NTNG1: variants seen among roughly 807,000 people sequenced by gnomAD.
NTNG1 encodes the protein netrin G1.
In NTNG1, 16 loss-of-function variants were observed where a neutral mutation model predicts 54.0. The observed-to-expected ratio is 0.30, with a 90% CI of 0.20 to 0.45. The LOEUF is 0.45. NTNG1 is among the 20% of genes least tolerant of loss of function. The pLI is 1.00. For synonymous variants in NTNG1, 255 were observed against 263.1 expected, an observed-to-expected ratio of 0.97 and a Z score of 0.30; for missense variants, 530 against 678.7, an observed-to-expected ratio of 0.78 and a Z score of 2.43.
chr1:107,334,782 C>T (rs181169814), intron 3 of NTNG1, among the ~76,000 whole-genome samples: 12 of 151,870 alleles, frequency 7.9e-5, no homozygotes, highest in Admixed American at 2.6e-4. Flanking sequence ...CTAGGCCTGG[C>T]GCATATTAAA....
At chr1:107,402,715 A>G (rs770421258) in intron 4 of NTNG1, among the ~76,000 whole-genome samples, 7 of 152,156 alleles carry the variant, frequency 4.6e-5, no homozygotes, top group Non-Finnish European at 8.8e-5. Context: ...CTGGAAGAAC[A>G]TTGGAAGTAA....
chr1:107,298,579 CTT>C (rs150149215), intron 2 of NTNG1, among the ~76,000 whole-genome samples: 1,608 of 152,288 alleles, frequency 0.011, 34 homozygotes, highest in African/African-American at 0.037. Context: ...TCTTTTGACT[CTT>C]ATTTTATGAT....
At chr1:107,453,092 A>G (rs1251876246) in intron 7 of NTNG1, among the ~76,000 whole-genome samples, 2 of 152,340 alleles carry the variant, frequency 1.3e-5, no homozygotes, top group South Asian at 2.1e-4. Context: ...ATGTTCAGTG[A>G]CACTGAGACT....
intron 1 of NTNG1, chr1:107,143,104 T>G (rs1314391813): frequency 6.6e-6 from 1 of 152,144 alleles, no homozygotes; most frequent in African/African-American, 2.4e-5. Flanking sequence ...ATGAGATATA[T>G]TTCACCCACT....
At chr1:107,272,670 T>C (rs1204247670) in intron 2 of NTNG1, among the ~76,000 whole-genome samples, 1 of 152,224 alleles carries the variant, frequency 6.6e-6, no homozygotes, top group Non-Finnish European at 1.5e-5. Context: ...TTTCCCCATG[T>C]ATACAGTTGA....
At chr1:107,348,682 T>C (rs1286427793) in intron 3 of NTNG1, among the ~76,000 whole-genome samples, 1 of 152,170 alleles carries the variant, frequency 6.6e-6, no homozygotes, top group Non-Finnish European at 1.5e-5. Flanking sequence ...ATTTCTGCTA[T>C]GGTGTCTAGG....
At chr1:107,284,868 C>T (rs546366786) in intron 2 of NTNG1, among the ~76,000 whole-genome samples, 9 of 152,096 alleles carry the variant, frequency 5.9e-5, no homozygotes, top group South Asian at 4.1e-4. Flanking sequence ...ACAGAATTAA[C>T]GCTAACTTAT....
At chr1:107,339,163 A>C (rs1668762158) in intron 3 of NTNG1, among the ~76,000 whole-genome samples, 1 of 152,000 alleles carries the variant, frequency 6.6e-6, no homozygotes, top group Non-Finnish European at 1.5e-5. Flanking sequence ...TCCTGGTTCA[A>C]AGCTAGGCCT....
At chr1:107,254,550 C>T (rs1262263592) in intron 2 of NTNG1, among the ~76,000 whole-genome samples, 2 of 152,210 alleles carry the variant, frequency 1.3e-5, no homozygotes, top group Non-Finnish European at 2.9e-5. Flanking sequence ...GCGCTTGCCT[C>T]GCTGTAGGAA....
chr1:107,265,461 CAACT>C (rs1260892244), intron 2 of NTNG1, among the ~76,000 whole-genome samples: 2 of 152,124 alleles, frequency 1.3e-5, no homozygotes, highest in African/African-American at 4.8e-5. Flanking sequence ...AACTAATAGT[CAACT>C]AACTATGATT....
At chr1:107,147,017 T>C (rs1654172235) in intron 1 of NTNG1, among the ~76,000 whole-genome samples, 1 of 152,078 alleles carries the variant, frequency 6.6e-6, no homozygotes, top group South Asian at 2.1e-4. Flanking sequence ...AGACTATAAA[T>C]ATAAGCAATC....
intron 2 of NTNG1, among the ~76,000 whole-genome samples, chr1:107,165,858 T>C (rs1655754141): frequency 6.6e-6 from 1 of 152,234 alleles, no homozygotes; most frequent in Admixed American, 6.5e-5. Context: ...GGGGCTGTTT[T>C]GTGGGAGTAT....
chr1:107,393,196 G>T (rs756641255), intron 3 of NTNG1, among the ~76,000 whole-genome samples: 1 of 152,044 alleles, frequency 6.6e-6, no homozygotes, highest in Non-Finnish European at 1.5e-5. Flanking sequence ...TGATCTTCAC[G>T]CAGGAAACCA....
intron 2 of NTNG1, among the ~76,000 whole-genome samples, chr1:107,271,751 A>T (rs867583985): frequency 3.9e-5 from 6 of 152,308 alleles, no homozygotes; most frequent in African/African-American, 1.4e-4. Flanking sequence ...TGAAAAAAAA[A>T]TTCTACTAAT....
chr1:107,300,047 A>G (rs143119206), intron 2 of NTNG1, among the ~76,000 whole-genome samples: 39 of 152,342 alleles, frequency 2.6e-4, no homozygotes, highest in African/African-American at 8.9e-4. Flanking sequence ...TGAATTCTAT[A>G]GAGCACAAGA....
At chr1:107,177,954 C>T (rs552967383) in intron 2 of NTNG1, among the ~76,000 whole-genome samples, 3 of 152,224 alleles carry the variant, frequency 2.0e-5, no homozygotes, top group Admixed American at 2.0e-4. Flanking sequence ...TCTCTCAACC[C>T]TCCCATTATA....
chr1:107,314,261 T>C (rs1667197467), intron 2 of NTNG1, among the ~76,000 whole-genome samples: 1 of 152,004 alleles, frequency 6.6e-6, no homozygotes. Context: ...TAGCTGGGTG[T>C]GGTGGCACAT....
chr1:107,484,470 G>GGGTC lies in NTNG1; in HGVS notation c.*3631_*3634dup, dbSNP rs747411097. 2.6e-5 allele frequency among the ~76,000 whole-genome samples: 4 copies of GGGTC among 152,254 alleles called. No individual in the cohort carries two copies. Among genetic ancestry groups the GGGTC allele is most frequent in the Non-Finnish European group, 5.9e-5 (4 of 68,026 alleles). On this transcript the variant is annotated 3_prime_UTR_variant, in exon 8 of 8. Transcript: ENST00000370068. ...TTTAAATACTTAGACATGTGGCATG[G>GGGTC]GGTCCTCCATTGGTACTTTTGCACA...
chr1:107,466,821 G>A (rs979726237), intron 7 of NTNG1, among the ~76,000 whole-genome samples: 8 of 152,118 alleles, frequency 5.3e-5, no homozygotes, highest in Middle Eastern at 6.3e-3. Flanking sequence ...TCTGATTTTG[G>A]TTTAAGTATC....
Sources: gnomAD v4.1 joint callset for allele counts (sites outside exome capture counted in the v4.1 genomes callset) on GRCh38, gnomAD v4.1.1 for gene constraint, MANE v1.5 for transcripts, NCBI Gene and HGNC (gene_info 2026-07-23, HGNC 2026-07-21) for gene names.